The following OSBPL1A variants were observed in gnomAD, a reference collection of about 807,000 sequenced individuals.
OSBPL1A encodes the protein oxysterol binding protein like 1A, also known as oxysterol-binding protein-related protein 1.
In OSBPL1A, 80 loss-of-function variants were observed where a neutral mutation model predicts 137.1. The ratio of observed to expected loss-of-function variants is 0.58; its 90% CI spans 0.49 to 0.70. The LOEUF (loss-of-function observed/expected upper bound fraction) is 0.70. Ranked by LOEUF, OSBPL1A falls within the 30% of genes least tolerant of loss-of-function variation. The pLI, the probability that OSBPL1A is intolerant of heterozygous loss-of-function variation, is 0.00. For synonymous variants in OSBPL1A, 365 were observed against 389.7 expected, an observed-to-expected ratio of 0.94 and a Z score of 0.75; for missense variants, 970 against 1,129.4, an observed-to-expected ratio of 0.86 and a Z score of 2.02.
At chr18:24,182,797 T>C (rs1478479833) in intron 18 of OSBPL1A, among the ~76,000 whole-genome samples, 1 of 152,118 alleles carries the variant, frequency 6.6e-6, no homozygotes, top group Admixed American at 6.6e-5. Flanking sequence ...GATTCACTAC[T>C]GGGGACAAGT....
chr18:24,328,349 T>G (rs2091017883), intron 7 of OSBPL1A, among the ~76,000 whole-genome samples: 1 of 149,600 alleles, frequency 6.7e-6, no homozygotes, highest in Non-Finnish European at 1.5e-5. Flanking sequence ...TGTGAGTCAC[T>G]GCACCTGGCC....
At chr18:24,356,090 TC>T (rs2091530221) in intron 4 of OSBPL1A, among the ~76,000 whole-genome samples, 1 of 151,586 alleles carries the variant, frequency 6.6e-6, no homozygotes, top group Non-Finnish European at 1.5e-5. Context: ...CCAGGAGAAT[TC>T]CTTGAACCTG....
intron 5 of OSBPL1A, among the ~76,000 whole-genome samples, chr18:24,341,297 G>A (rs1417290287): frequency 6.6e-6 from 1 of 152,086 alleles, no homozygotes; most frequent in Non-Finnish European, 1.5e-5. Flanking sequence ...GTGAGCCACC[G>A]CACCCAGCCT....
At chr18:24,293,372 T>C (rs1387523233) in intron 14 of OSBPL1A, among the ~76,000 whole-genome samples, 1 of 151,840 alleles carries the variant, frequency 6.6e-6, no homozygotes, top group Non-Finnish European at 1.5e-5. Context: ...CTGGAGAGAA[T>C]GAAGGTAAAG....
intron 15 of OSBPL1A, chr18:24,272,281 C>A: frequency 1.0e-6 from 1 of 983,060 alleles, no homozygotes; most frequent in East Asian, 1.1e-4. Context: ...AACCAACCCG[C>A]CCCTTGGGAA....
At chr18:24,322,823 C>A (rs1342917090) in intron 7 of OSBPL1A, among the ~76,000 whole-genome samples, 1 of 152,006 alleles carries the variant, frequency 6.6e-6, no homozygotes, top group African/African-American at 2.4e-5. Context: ...CAATAAAATG[C>A]TTTTGAACTA....
chr18:24,262,580 AAATAAACTT>A (rs1375161057), intron 15 of OSBPL1A, among the ~76,000 whole-genome samples: 2 of 152,236 alleles, frequency 1.3e-5, no homozygotes, highest in African/African-American at 4.8e-5. Context: ...TGAATTGTTT[AAATAAACTT>A]TATTTGAATC....
Position 24,318,807 on chromosome 18 carries a change from G to T in OSBPL1A, c.628C>A (p.Gln210Lys), listed in dbSNP as rs765778882. The change falls in exon 8 of 28, where the codon CAG (glutamine) becomes AAG (lysine). Residue 210 changes from glutamine to lysine, a missense_variant and splice_region_variant. This residue lies in a region of OSBPL1A where 647 missense variants were observed against 672.6 expected (regional missense o/e 0.96). Transcript: ENST00000319481. ...CCCTGGGCAAGGTCAAGAGGTTTCT[G>T]ATCTGTGCAAAATACAAAGAAAAAA... ...ADPNLKNKND[Q>K]KPLDLAQGAE... is the part of the protein sequence containing the mutation. 6.2e-7 allele frequency: 1 copy of T among 1,613,108 alleles called. No individual in the cohort carries two copies. The highest frequency in any genetic ancestry group is 8.5e-7 in the Non-Finnish European group (1 of 1,179,762).
chr18:24,225,828 CA>C (rs1415634871), intron 16 of OSBPL1A, among the ~76,000 whole-genome samples: 4 of 151,934 alleles, frequency 2.6e-5, no homozygotes, highest in African/African-American at 9.6e-5. Context: ...AAATAACAGC[CA>C]GGTATGGTGG....
At chr18:24,388,952 G>C (rs1016569154) in intron 1 of OSBPL1A, among the ~76,000 whole-genome samples, 2 of 151,902 alleles carry the variant, frequency 1.3e-5, no homozygotes, top group Admixed American at 6.6e-5. Context: ...TGACTAAAAG[G>C]TACATTTAGA....
intron 17 of OSBPL1A, among the ~76,000 whole-genome samples, chr18:24,221,813 T>C (rs1478262716): frequency 1.3e-5 from 2 of 152,196 alleles, no homozygotes; most frequent in Non-Finnish European, 2.9e-5. Context: ...ACCCTTTTTT[T>C]CCCAAGACTT....
At chr18:24,165,339 G>C (rs1480818454) in intron 26 of OSBPL1A, among the ~76,000 whole-genome samples, 184 bp from the exon 27 acceptor site, 1 of 152,212 alleles carries the variant, frequency 6.6e-6, no homozygotes, top group African/African-American at 2.4e-5. Flanking sequence ...GTAAGAGGCA[G>C]AGCTGGTATC....
chr18:24,171,349 C>T, intron 23 of OSBPL1A, 60 bp downstream of exon 23: 1 of 1,321,474 alleles, frequency 7.6e-7, no homozygotes, highest in Non-Finnish European at 1.1e-6. Flanking sequence ...TATTTTAATA[C>T]CGACATTTTA....
intron 15 of OSBPL1A, among the ~76,000 whole-genome samples, chr18:24,255,933 T>C (rs2146034497): frequency 6.6e-6 from 1 of 152,168 alleles, no homozygotes; most frequent in African/African-American, 2.4e-5. Context: ...TAGTTGGGAT[T>C]ACAGGCGTGC....
intron 22 of OSBPL1A, 114 bp from the exon 23 acceptor site, chr18:24,171,612 G>T (rs2086289572): frequency 1.3e-6 from 1 of 777,718 alleles, no homozygotes; most frequent in Admixed American, 2.3e-5. Context: ...TTCTCTGTGT[G>T]CCAGGCTCCA....
chr18:24,194,559 T>C (rs917535762), intron 18 of OSBPL1A, among the ~76,000 whole-genome samples: 1 of 152,232 alleles, frequency 6.6e-6, no homozygotes, highest in Non-Finnish European at 1.5e-5. Context: ...CTGTCATCTG[T>C]CTATATACAT....
chr18:24,210,588 C>A (rs751960155), intron 17 of OSBPL1A, among the ~76,000 whole-genome samples: 1 of 149,782 alleles, frequency 6.7e-6, no homozygotes, highest in African/African-American at 2.5e-5. Context: ...GGCTGGAATA[C>A]GGTGGCACGA....
At chr18:24,382,516 G>A (rs1906671190) in intron 1 of OSBPL1A, among the ~76,000 whole-genome samples, 1 of 151,892 alleles carries the variant, frequency 6.6e-6, no homozygotes, top group South Asian at 2.1e-4. Flanking sequence ...GGTCGAGGCT[G>A]CAGTTAGCCA....
chr18:24,235,404 T>G (rs1477162740), intron 16 of OSBPL1A, among the ~76,000 whole-genome samples: 3 of 122,748 alleles, frequency 2.4e-5, no homozygotes, highest in African/African-American at 7.9e-5. Context: ...GAAGTAACTT[T>G]CCCAAGAGTA....
Sources: allele counts gnomAD v4.1 joint callset (sites outside exome capture counted in the v4.1 genomes callset), GRCh38; gene constraint gnomAD v4.1.1; regional missense constraint gnomAD v4.1.1; transcripts MANE v1.5; gene names NCBI Gene and HGNC (gene_info 2026-07-23, HGNC 2026-07-21).